DENND5B: variants seen among roughly 807,000 people sequenced by gnomAD.
DENND5B encodes DENN domain containing 5B.
In DENND5B, 34 loss-of-function variants were observed where a neutral mutation model predicts 140.6. The ratio of observed to expected loss-of-function variants is 0.24; its 90% confidence interval spans 0.18 to 0.32. DENND5B has a LOEUF of 0.32. DENND5B is among the 10% of genes least tolerant of loss of function. The probability of loss-of-function intolerance (pLI) is 1.00; values close to 1 mark genes in which losing one functional copy is unlikely to be tolerated. For synonymous variants in DENND5B, 551 were observed against 562.1 expected (o/e 0.98, Z 0.28); for missense variants, 1,142 against 1,560.2 (o/e 0.73, Z 4.52).
chr12:31,460,493 ATTTC>A (rs1184501626), intron 3 of DENND5B, 112 bp from the exon 4 acceptor site: 12 of 967,016 alleles, frequency 1.2e-5, no homozygotes, highest in Non-Finnish European at 1.7e-5. Flanking sequence ...AAAAGTAAAT[ATTTC>A]TTTATGATCA....
chr12:31,462,659 A>G (rs1411923791), intron 3 of DENND5B, among the ~76,000 whole-genome samples: 2 of 152,144 alleles, frequency 1.3e-5, no homozygotes, highest in Admixed American at 6.6e-5. Flanking sequence ...GAATCCTAAC[A>G]AAATACAAAA....
At chr12:31,459,420 C>A (rs1944919665) in intron 4 of DENND5B, among the ~76,000 whole-genome samples, 1 of 151,970 alleles carries the variant, frequency 6.6e-6, no homozygotes, top group African/African-American at 2.4e-5. Context: ...CTTCCAAGTA[C>A]CTGGGACTAC....
intron 5 of DENND5B, 148 bp downstream of exon 5, chr12:31,451,792 G>C: frequency 2.2e-6 from 2 of 924,032 alleles, no homozygotes; most frequent in Non-Finnish European, 3.2e-6. Context: ...AATGGGGCTG[G>C]AAGACAAAAA....
At chr12:31,578,878 T>C (rs1313078718) in intron 1 of DENND5B, among the ~76,000 whole-genome samples, 1 of 152,178 alleles carries the variant, frequency 6.6e-6, no homozygotes, top group African/African-American at 2.4e-5. Flanking sequence ...ATGTCATCCT[T>C]CTCATCTATC....
intron 13 of DENND5B, among the ~76,000 whole-genome samples, chr12:31,411,595 G>A (rs1038817849): frequency 2.6e-5 from 4 of 151,732 alleles, no homozygotes; most frequent in East Asian, 3.9e-4. Flanking sequence ...TGCCTGCCTC[G>A]GCCTCCCAAA....
chr12:31,523,679 C>CT (rs1330426165), intron 1 of DENND5B, among the ~76,000 whole-genome samples: 1 of 150,710 alleles, frequency 6.6e-6, no homozygotes, highest in South Asian at 2.1e-4. Flanking sequence ...GAATGGTTAA[C>CT]TTTATGTTAT....
intron 1 of DENND5B, among the ~76,000 whole-genome samples, chr12:31,527,430 C>G (rs2139051922): frequency 6.6e-6 from 1 of 152,256 alleles, no homozygotes; most frequent in South Asian, 2.1e-4. Flanking sequence ...GGCTTTTCCT[C>G]TGAACAAATG....
chr12:31,469,990 C>A (rs954335700), intron 3 of DENND5B, among the ~76,000 whole-genome samples: 1 of 151,924 alleles, frequency 6.6e-6, no homozygotes, highest in Non-Finnish European at 1.5e-5. Flanking sequence ...CGCTCTGTCA[C>A]GAGGCTGTAG....
At position 31,587,526 on chromosome 12, in the gene DENND5B, C is replaced by CTTTTTTTTTTTTTTTT. The variant is rs71460995; in HGVS notation, c.127+3164_127+3179dup. On this transcript the variant is annotated intron_variant, in intron 1 of 20. Transcript: ENST00000389082. ...CAACAACTTCTCTCACCACAAATAC[C>CTTTTTTTTTTTTTTTT]TTTTTTTTTTTTTTTTTTTTTTTTT... Among the ~76,000 whole-genome samples the CTTTTTTTTTTTTTTTT allele has an allele frequency of 2.7e-5, 2 of 75,038 alleles. 1 individual carries two copies. Among genetic ancestry groups the CTTTTTTTTTTTTTTTT allele is most frequent in the African/African-American group, 9.6e-5 (2 of 20,850 alleles). The allele number at this position is 75,038 out of a possible 152,430, so 49.2% of individuals were successfully genotyped here.
chr12:31,439,871 G>A (rs542080374), intron 7 of DENND5B, among the ~76,000 whole-genome samples: 93 of 146,190 alleles, frequency 6.4e-4, no homozygotes, highest in South Asian at 2.4e-3. Context: ...TGGAGGTTGC[G>A]GTGAGCTGAG....
At position 31,433,147 on chromosome 12, in the gene DENND5B, C is replaced by G. The variant is rs773367317; in HGVS notation, c.2106+8G>C. 3.1e-6 allele frequency: 5 copies of G among 1,613,212 alleles called. No homozygotes were observed. Among genetic ancestry groups the G allele is most frequent in the Non-Finnish European group, 4.2e-6 (5 of 1,179,282 alleles). ...CTGTGAGGCACCCCAGGAAGGTAGA[C>G]CACATACCTCCCTCAAGTCGTTGTC... is the stretch of plus-strand genomic sequence containing the variant. On this transcript the variant is annotated splice_region_variant and intron_variant, in intron 8 of 20. Coordinates refer to ENST00000389082, the MANE Select transcript of DENND5B (RefSeq NM_144973.4).
intron 4 of DENND5B, among the ~76,000 whole-genome samples, chr12:31,458,212 G>A (rs1453523797): frequency 6.6e-6 from 1 of 152,084 alleles, no homozygotes; most frequent in Non-Finnish European, 1.5e-5. Flanking sequence ...AGATGGAAAG[G>A]TTTCCCAACT....
chr12:31,391,316 C>T (rs1357696643), intron 19 of DENND5B, among the ~76,000 whole-genome samples: 3 of 152,208 alleles, frequency 2.0e-5, no homozygotes, highest in Non-Finnish European at 4.4e-5. Flanking sequence ...TCCTCACCTA[C>T]ATGAAGTCTG....
intron 17 of DENND5B, among the ~76,000 whole-genome samples, chr12:31,396,924 C>T (rs533242318): frequency 2.0e-5 from 3 of 152,210 alleles, no homozygotes; most frequent in Middle Eastern, 3.4e-3. Flanking sequence ...TTAGGGTCCA[C>T]GTAGATGTGA....
At chr12:31,496,967 C>T (rs2138759237) in intron 1 of DENND5B, among the ~76,000 whole-genome samples, 1 of 152,028 alleles carries the variant, frequency 6.6e-6, no homozygotes, top group South Asian at 2.1e-4. Context: ...TAATTAAGTG[C>T]AAAATACTAG....
intron 16 of DENND5B, among the ~76,000 whole-genome samples, chr12:31,399,367 C>G (rs562686180): frequency 2.0e-5 from 3 of 148,908 alleles, no homozygotes; most frequent in Non-Finnish European, 1.5e-5. Flanking sequence ...AAATCTCCCC[C>G]TCCCGGGTTC....
chr12:31,511,943 T>G (rs1677145), intron 1 of DENND5B, among the ~76,000 whole-genome samples: 115 of 145,940 alleles, frequency 7.9e-4, no homozygotes, highest in African/African-American at 2.8e-3. Context: ...TTTTTTTTTG[T>G]GACGGAGTCT....
chr12:31,448,767 T>G (rs1944383011), intron 5 of DENND5B, among the ~76,000 whole-genome samples: 1 of 152,066 alleles, frequency 6.6e-6, no homozygotes, highest in East Asian at 1.9e-4. Context: ...TCCCAGCCAC[T>G]AGGGAGGCTG....
intron 1 of DENND5B, among the ~76,000 whole-genome samples, chr12:31,583,277 G>A (rs1417176822): frequency 1.4e-5 from 2 of 147,104 alleles, no homozygotes; most frequent in Non-Finnish European, 3.0e-5. Context: ...GGGCGACAGA[G>A]TGAGACTCAG....
Sources: allele counts gnomAD v4.1 joint callset (sites outside exome capture counted in the v4.1 genomes callset), GRCh38; gene constraint gnomAD v4.1.1; transcripts MANE v1.5; gene names NCBI Gene and HGNC (gene_info 2026-07-23, HGNC 2026-07-21).